BNC2: variants seen among roughly 807,000 people sequenced by gnomAD.
BNC2 encodes zinc finger protein basonuclin-2.
Under a neutral mutation model 76.3 loss-of-function variants are expected in BNC2, and 20 were observed. The ratio of observed to expected loss-of-function variants is 0.26; its 90% CI spans 0.18 to 0.38. The LOEUF is 0.38. Ranked by LOEUF, BNC2 falls within the 10% of genes least tolerant of loss-of-function variation. The pLI, the probability that BNC2 is intolerant of heterozygous loss-of-function variation, is 1.00. For missense variants in BNC2, 1,382 were observed against 1,399.8 expected, an observed-to-expected ratio of 0.99 and a Z score of 0.20; for synonymous variants, 582 against 514.8, an observed-to-expected ratio of 1.13 and a Z score of -1.77.
chr9:16,463,646 C>T (rs901862799), intron 5 of BNC2, among the ~76,000 whole-genome samples: 4 of 152,078 alleles, frequency 2.6e-5, no homozygotes, highest in Non-Finnish European at 5.9e-5. Context: ...TGCTATCTCA[C>T]CGCACTGACA....
chr9:16,799,168 T>TA (rs1320960656), intron 1 of BNC2, among the ~76,000 whole-genome samples: 1 of 152,136 alleles, frequency 6.6e-6, no homozygotes, highest in African/African-American at 2.4e-5. Flanking sequence ...GTAGAAAATA[T>TA]AAAAAATGTA....
In BNC2 at chr9:16,437,102, A is replaced by G; in HGVS notation, c.1092T>C (p.Asn364=). 2 of 1,614,122 alleles carry G rather than the reference A, an allele frequency of 1.2e-6. No individual in the cohort carries two copies. Among genetic ancestry groups the G allele is most frequent in the East Asian group, 2.2e-5 (1 of 44,870 alleles). ...EPSLSTQNEY[N]ESSESEVSPT... ...GAGAAACTTCGGATTCGCTGCTCTC[A>G]TTATATTCATTCTGAGTTGAAAGGC... Residue 364 remains asparagine (N), a synonymous_variant, in exon 6 of 7, where the codon AAT becomes AAC. Transcript: ENST00000380672.
At chr9:16,742,159 T>C (rs1824870305) in intron 1 of BNC2, among the ~76,000 whole-genome samples, 1 of 152,206 alleles carries the variant, frequency 6.6e-6, no homozygotes, top group African/African-American at 2.4e-5. Context: ...TAGTATGTAG[T>C]GGTCTAATGT....
At chr9:16,749,782 G>A (rs1427492782) in intron 1 of BNC2, among the ~76,000 whole-genome samples, 47 of 151,958 alleles carry the variant, frequency 3.1e-4, no homozygotes, top group Admixed American at 3.0e-3. Context: ...AATAAGACAT[G>A]AGATTAGAAA....
chr9:16,848,257 T>C (rs1015308912), intron 1 of BNC2, among the ~76,000 whole-genome samples: 2 of 152,314 alleles, frequency 1.3e-5, no homozygotes, highest in East Asian at 1.9e-4. Flanking sequence ...GTCTGACAGC[T>C]TCCATCTCCC....
At chr9:16,699,621 T>C (rs1259117055) in intron 3 of BNC2, among the ~76,000 whole-genome samples, 1 of 152,216 alleles carries the variant, frequency 6.6e-6, no homozygotes, top group Non-Finnish European at 1.5e-5. Context: ...AGACTAGCAA[T>C]CTACAATAGT....
intron 5 of BNC2, among the ~76,000 whole-genome samples, chr9:16,473,598 G>C (rs1460311075): frequency 6.6e-6 from 1 of 152,112 alleles, no homozygotes; most frequent in Admixed American, 6.5e-5. Context: ...GATGGGACCG[G>C]GCGTGGTGGC....
chr9:16,827,809 A>G (rs976883758), intron 1 of BNC2, among the ~76,000 whole-genome samples: 13 of 152,164 alleles, frequency 8.5e-5, no homozygotes, highest in African/African-American at 3.1e-4. Context: ...TACAAAAACA[A>G]AAAAGAAAAT....
At chr9:16,659,049 G>C (rs1379930065) in intron 3 of BNC2, among the ~76,000 whole-genome samples, 1 of 152,050 alleles carries the variant, frequency 6.6e-6, no homozygotes, top group African/African-American at 2.4e-5. Flanking sequence ...CTAGGTCCTA[G>C]AACAGTGGCT....
chr9:16,525,830 T>C (rs1189395742), intron 5 of BNC2, among the ~76,000 whole-genome samples: 2 of 152,208 alleles, frequency 1.3e-5, no homozygotes, highest in East Asian at 1.9e-4. Context: ...GCACAGACTA[T>C]TTCTAGAACT....
At chr9:16,800,156 C>A (rs897871203) in intron 1 of BNC2, among the ~76,000 whole-genome samples, 1 of 150,784 alleles carries the variant, frequency 6.6e-6, no homozygotes, top group Non-Finnish European at 1.5e-5. Flanking sequence ...GCTTGGGAGG[C>A]AGACATTGCA....
At chr9:16,807,084 G>C (rs1324697938) in intron 1 of BNC2, among the ~76,000 whole-genome samples, 1 of 152,034 alleles carries the variant, frequency 6.6e-6, no homozygotes, top group Non-Finnish European at 1.5e-5. Flanking sequence ...TATTATCTAT[G>C]ACTAACAATT....
chr9:16,485,038 C>T (rs1054005214), intron 5 of BNC2, among the ~76,000 whole-genome samples: 1 of 151,926 alleles, frequency 6.6e-6, no homozygotes, highest in Admixed American at 6.6e-5. Flanking sequence ...TTTCATAATG[C>T]CCTTAACAAA....
intron 2 of BNC2, among the ~76,000 whole-genome samples, chr9:16,728,878 C>T (rs931524262): frequency 1.3e-4 from 19 of 151,836 alleles, no homozygotes; most frequent in Middle Eastern, 3.4e-3. Flanking sequence ...AAAAGTATAC[C>T]TTTTCTTAAA....
chr9:16,765,469 A>C (rs1261352141), intron 1 of BNC2, among the ~76,000 whole-genome samples: 1 of 152,198 alleles, frequency 6.6e-6, no homozygotes, highest in East Asian at 1.9e-4. Flanking sequence ...TATTATTAAC[A>C]TTTTAGTCAA....
rs557684737 is a variant in BNC2 at position 16,650,478 on chromosome 9, T to C, written c.331-67393A>G. ...CCCTGTACACTCAAGGTAATTCCCG[T>C]CTGACATATGAATAACAGAGTCCAC... On this transcript the variant is annotated intron_variant, in intron 3 of 6. Transcript: ENST00000380672. 2.6e-5 allele frequency among the ~76,000 whole-genome samples: 4 copies of C among 152,274 alleles called. No homozygotes were observed. In the East Asian group the frequency reaches 7.7e-4, roughly 29 times the overall value.
intron 1 of BNC2, among the ~76,000 whole-genome samples, chr9:16,845,814 C>G (rs765576470): frequency 2.6e-5 from 4 of 152,052 alleles, no homozygotes; most frequent in Non-Finnish European, 4.4e-5. Flanking sequence ...CCTCTGCATA[C>G]TTAAGTTACC....
intron 3 of BNC2, among the ~76,000 whole-genome samples, chr9:16,602,688 G>A (rs543471100): frequency 1.3e-5 from 2 of 152,294 alleles, no homozygotes; most frequent in South Asian, 4.1e-4. Flanking sequence ...GAGGAAGTGG[G>A]CTGCAACCAC....
intron 4 of BNC2, among the ~76,000 whole-genome samples, chr9:16,558,858 C>G (rs778064266): frequency 3.3e-5 from 5 of 149,670 alleles, no homozygotes; most frequent in African/African-American, 1.2e-4. Flanking sequence ...CACTTGAACC[C>G]GGGAAGCAGA....
Sources: allele counts gnomAD v4.1 joint callset (sites outside exome capture counted in the v4.1 genomes callset), GRCh38; gene constraint gnomAD v4.1.1; transcripts MANE v1.5; gene names NCBI Gene and HGNC (gene_info 2026-07-23, HGNC 2026-07-21).